Variants in LRRC4C observed in about 807,000 individuals in gnomAD.
LRRC4C encodes the protein leucine-rich repeat-containing protein 4C.
In LRRC4C, 5 loss-of-function variants were observed where a neutral mutation model predicts 33.6. The observed-to-expected ratio is 0.15, with a 90% confidence interval of 0.08 to 0.31. LRRC4C has a LOEUF of 0.31. LRRC4C is among the 10% of genes least tolerant of loss of function. LRRC4C has a pLI of 1.00. For synonymous variants in LRRC4C, 329 were observed against 302.0 expected (o/e 1.09, Z -0.93); for missense variants, 560 against 796.7 (o/e 0.70, Z 3.58).
intron 1 of LRRC4C, among the ~76,000 whole-genome samples, chr11:41,200,273 T>C (rs2136256821): frequency 6.6e-6 from 1 of 152,272 alleles, no homozygotes; most frequent in South Asian, 2.1e-4. Flanking sequence ...GACAAAGGAC[T>C]ATATACATAA....
intron 2 of LRRC4C, among the ~76,000 whole-genome samples, chr11:40,847,082 T>C (rs188943625): frequency 6.6e-6 from 1 of 152,242 alleles, no homozygotes; most frequent in East Asian, 1.9e-4. Context: ...AAATATACAA[T>C]CCTGTAATCT....
intron 2 of LRRC4C, among the ~76,000 whole-genome samples, chr11:40,925,427 T>G (rs1053645594): frequency 6.6e-6 from 1 of 152,186 alleles, no homozygotes; most frequent in Non-Finnish European, 1.5e-5. Context: ...AGGGAGTATC[T>G]GCTACCTCAG....
At chr11:41,297,989 T>A (rs1489331894) in intron 1 of LRRC4C, among the ~76,000 whole-genome samples, 2 of 152,122 alleles carry the variant, frequency 1.3e-5, no homozygotes, top group African/African-American at 4.8e-5. Context: ...CTTATATCAA[T>A]CAGGAGATGT....
intron 2 of LRRC4C, among the ~76,000 whole-genome samples, chr11:40,785,032 G>A (rs1950357070): frequency 6.6e-6 from 1 of 152,114 alleles, no homozygotes; most frequent in African/African-American, 2.4e-5. Flanking sequence ...TAATGATAAA[G>A]CCCTGCTCAT....
At chr11:40,885,387 G>A (rs1412024831) in intron 2 of LRRC4C, among the ~76,000 whole-genome samples, 1 of 151,994 alleles carries the variant, frequency 6.6e-6, no homozygotes, top group Non-Finnish European at 1.5e-5. Flanking sequence ...ACAGACACCA[G>A]GCCACACCCA....
intron 1 of LRRC4C, among the ~76,000 whole-genome samples, chr11:41,389,906 A>T (rs1024571497): frequency 6.6e-6 from 1 of 151,866 alleles, no homozygotes; most frequent in Non-Finnish European, 1.5e-5. Context: ...CAAAATTAAC[A>T]TACTTAAGAA....
chr11:40,434,965 C>T (rs1951087473), intron 3 of LRRC4C, among the ~76,000 whole-genome samples: 1 of 152,116 alleles, frequency 6.6e-6, no homozygotes, highest in Non-Finnish European at 1.5e-5. Context: ...TGACCACTAA[C>T]CTATTTTTCT....
chr11:40,932,945 T>G (rs1957694127), intron 2 of LRRC4C, among the ~76,000 whole-genome samples: 1 of 152,138 alleles, frequency 6.6e-6, no homozygotes, highest in Non-Finnish European at 1.5e-5. Context: ...TTTGATCTAG[T>G]GAAGGGTACA....
At chr11:41,156,152 A>G (rs1944222551) in intron 1 of LRRC4C, among the ~76,000 whole-genome samples, 1 of 152,126 alleles carries the variant, frequency 6.6e-6, no homozygotes, top group African/African-American at 2.4e-5. Flanking sequence ...CAGCAATTGA[A>G]GGAACAGGAG....
intron 3 of LRRC4C, among the ~76,000 whole-genome samples, chr11:40,456,005 C>A (rs1410051742): frequency 6.6e-6 from 1 of 152,084 alleles, no homozygotes; most frequent in Non-Finnish European, 1.5e-5. Context: ...GTTCTCAATA[C>A]CTAACTAGAA....
At chr11:41,045,690 T>G (rs981783507) in intron 1 of LRRC4C, among the ~76,000 whole-genome samples, 1 of 152,110 alleles carries the variant, frequency 6.6e-6, no homozygotes, top group Non-Finnish European at 1.5e-5. Context: ...GGATTAGCCA[T>G]CTCTCAGTAA....
At chr11:41,282,119 C>T (rs573273984) in intron 1 of LRRC4C, among the ~76,000 whole-genome samples, 3 of 152,234 alleles carry the variant, frequency 2.0e-5, no homozygotes, top group South Asian at 4.1e-4. Context: ...AAGAGTAGAG[C>T]GATTGTGAAA....
chr11:40,736,794 G>A (rs1947888288), intron 2 of LRRC4C, among the ~76,000 whole-genome samples: 1 of 151,294 alleles, frequency 6.6e-6, no homozygotes, highest in Admixed American at 6.6e-5. Flanking sequence ...TATGTTTGTT[G>A]GCCACATAAA....
chr11:41,241,229 G>C (rs747840452), intron 1 of LRRC4C, among the ~76,000 whole-genome samples: 3 of 152,106 alleles, frequency 2.0e-5, no homozygotes, highest in Non-Finnish European at 4.4e-5. Context: ...GTAGATTTCT[G>C]TAGCTACCCA....
chr11:41,044,913 A>T (rs756135043), intron 1 of LRRC4C, among the ~76,000 whole-genome samples: 5 of 152,138 alleles, frequency 3.3e-5, no homozygotes, highest in Non-Finnish European at 5.9e-5. Context: ...ACCAGGGATA[A>T]GTAGGGCAAA....
intron 3 of LRRC4C, among the ~76,000 whole-genome samples, chr11:40,625,636 A>G (rs546711300): frequency 2.0e-5 from 3 of 152,266 alleles, no homozygotes; most frequent in Non-Finnish European, 4.4e-5. Context: ...ATAATCTTTC[A>G]AAGTATTCTA....
intron 3 of LRRC4C, chr11:40,446,936 G>T (rs1406335512): frequency 6.6e-6 from 1 of 152,328 alleles, no homozygotes; most frequent in Non-Finnish European, 1.5e-5. Context: ...TGAGATTTGG[G>T]GTGGGGACAC....
At chr11:40,161,936 C>T (rs184715822) in intron 5 of LRRC4C, among the ~76,000 whole-genome samples, 1 of 152,228 alleles carries the variant, frequency 6.6e-6, no homozygotes, top group African/African-American at 2.4e-5. Flanking sequence ...AACACAATTC[C>T]TGAGTCTGGG....
intron 3 of LRRC4C, among the ~76,000 whole-genome samples, chr11:40,387,100 G>T (rs1045478898): frequency 6.6e-6 from 1 of 152,106 alleles, no homozygotes; most frequent in African/African-American, 2.4e-5. Flanking sequence ...TTGTAGGATG[G>T]AATTGAGAGT....
Sources: allele counts gnomAD v4.1 joint callset (sites outside exome capture counted in the v4.1 genomes callset), GRCh38; gene constraint gnomAD v4.1.1; transcripts MANE v1.5; gene names NCBI Gene and HGNC (gene_info 2026-07-23, HGNC 2026-07-21).